Variants in AGMO observed in about 807,000 individuals in gnomAD.
The protein encoded by AGMO is glyceryl-ether monooxygenase.
AGMO carries 75 observed loss-of-function variants against 60.2 expected under a neutral mutation model. That is an observed-to-expected ratio of 1.25 (90% CI 1.03 to 1.51). The LOEUF (loss-of-function observed/expected upper bound fraction) is 1.51, where lower values mean the gene tolerates loss of function less well. Among genes scored for constraint, AGMO ranks in the 40% most tolerant of loss-of-function variants. AGMO has a pLI of 0.00. For synonymous variants in AGMO, 261 were observed against 177.1 expected, an observed-to-expected ratio of 1.47 and a Z score of -3.76; for missense variants, 763 against 525.5, an observed-to-expected ratio of 1.45 and a Z score of -4.42.
intron 12 of AGMO, among the ~76,000 whole-genome samples, chr7:15,364,726 T>C (rs990229198): frequency 6.6e-6 from 1 of 152,076 alleles, no homozygotes; most frequent in Non-Finnish European, 1.5e-5. Context: ...TTTCAATTCA[T>C]AATCAATATT....
intron 12 of AGMO, among the ~76,000 whole-genome samples, chr7:15,354,522 A>G (rs1350067595): frequency 1.1e-4 from 12 of 108,078 alleles, no homozygotes; most frequent in Non-Finnish European, 1.4e-4. Context: ...ATATATATAT[A>G]TATATATATA....
chr7:15,422,579 C>G (rs181526788), intron 4 of AGMO, among the ~76,000 whole-genome samples: 447 of 152,200 alleles, frequency 2.9e-3, no homozygotes, highest in African/African-American at 9.7e-3. Context: ...CCTCACATTT[C>G]TCTTTGAAGT....
intron 3 of AGMO, among the ~76,000 whole-genome samples, chr7:15,544,302 C>T (rs1583669647): frequency 6.6e-6 from 1 of 151,980 alleles, no homozygotes; most frequent in Admixed American, 6.6e-5. Context: ...ACCACAGTCT[C>T]GGAAATCAAA....
At position 15,301,985 on chromosome 7, in the gene AGMO, C is replaced by G. The variant is rs564883461; in HGVS notation, c.1263+63529G>C. ...ATCAGAGGAGAATAAGTAAAGAGAG[C>G]TCCTCAACTTTTTCTTAATGTTTTA... On this transcript the variant is annotated intron_variant, in intron 12 of 12. Transcript: ENST00000342526. 9.9e-5 allele frequency among the ~76,000 whole-genome samples: 15 copies of G among 152,212 alleles called. No homozygotes were observed. In the East Asian group the frequency reaches 2.5e-3, roughly 25 times the overall value.
chr7:15,287,566 T>A (rs569042514), intron 12 of AGMO, among the ~76,000 whole-genome samples: 1 of 152,190 alleles, frequency 6.6e-6, no homozygotes, highest in Non-Finnish European at 1.5e-5. Flanking sequence ...TTCAGTCAAT[T>A]TATGAAAATT....
At chr7:15,207,390 C>A (rs913606158) in intron 12 of AGMO, among the ~76,000 whole-genome samples, 2 of 151,962 alleles carry the variant, frequency 1.3e-5, no homozygotes, top group South Asian at 4.2e-4. Flanking sequence ...CCAATATTAC[C>A]AACCCTTGTT....
chr7:15,387,660 G>T, intron 8 of AGMO, 120 bp from the exon 9 acceptor site: 1 of 810,840 alleles, frequency 1.2e-6, no homozygotes, highest in Non-Finnish European at 1.9e-6. Context: ...CGTTATGCCT[G>T]ATTAGAGCAA....
intron 4 of AGMO, among the ~76,000 whole-genome samples, chr7:15,421,761 T>C (rs1222794551): frequency 6.6e-6 from 1 of 152,080 alleles, no homozygotes; most frequent in African/African-American, 2.4e-5. Context: ...TTTGGAAATG[T>C]CTGGCTGGAA....
intron 3 of AGMO, among the ~76,000 whole-genome samples, chr7:15,474,548 A>C (rs1361293441): frequency 6.6e-6 from 1 of 152,212 alleles, no homozygotes; most frequent in Non-Finnish European, 1.5e-5. Flanking sequence ...AAATTAACTC[A>C]AGATGGATTA....
Position 15,561,721 on chromosome 7 carries a change from T to C in AGMO, c.125A>G (p.Lys42Arg), listed in dbSNP as rs773346795. 6.2e-7 allele frequency: 1 copy of C among 1,602,882 alleles called. No homozygotes were observed. Among genetic ancestry groups the C allele is most frequent in the Admixed American group, 1.7e-5 (1 of 58,954 alleles). ...TAGCCTCTTCCAATAAAGTCTCACC[T>C]TTTTTACATAATCAGGCACCTCTTC... ...TLEEVPDYVK[K>R]ATPFFISLML... The change falls in exon 1 of 13, where the codon AAG (lysine) becomes AGG (arginine). Residue 42 changes from lysine (K) to arginine (R), a missense_variant and splice_region_variant. Lys to Arg is a conservative substitution (Grantham distance 26). Transcript: ENST00000342526.
intron 12 of AGMO, among the ~76,000 whole-genome samples, chr7:15,314,970 A>G (rs893096119): frequency 1.8e-4 from 28 of 152,144 alleles, no homozygotes; most frequent in African/African-American, 6.5e-4. Context: ...CCCCAATGTA[A>G]GGACCGAAGC....
At chr7:15,381,292 A>T (rs188875529) in intron 10 of AGMO, among the ~76,000 whole-genome samples, 1 of 152,166 alleles carries the variant, frequency 6.6e-6, no homozygotes, top group Non-Finnish European at 1.5e-5. Flanking sequence ...CAACAAAGGT[A>T]TAATATCAAG....
the AGMO span, among the ~76,000 whole-genome samples, chr7:15,152,719 A>C: frequency 6.6e-6 from 1 of 152,124 alleles, no homozygotes; most frequent in Non-Finnish European, 1.5e-5. Context: ...ATAAATATAC[A>C]ACATTTTCTT....
intron 12 of AGMO, among the ~76,000 whole-genome samples, chr7:15,220,994 G>C (rs992262141): frequency 9.9e-5 from 15 of 152,084 alleles, no homozygotes; most frequent in African/African-American, 3.6e-4. Flanking sequence ...AAGAAAGTTG[G>C]AAGACTAGGA....
chr7:15,354,819 A>C (rs990038226), intron 12 of AGMO, among the ~76,000 whole-genome samples: 3 of 151,240 alleles, frequency 2.0e-5, no homozygotes, highest in Non-Finnish European at 4.4e-5. Flanking sequence ...TTTTTCTCGT[A>C]ATTCACGAGA....
At chr7:15,372,829 G>A (rs1032368502) in intron 10 of AGMO, among the ~76,000 whole-genome samples, 1 of 152,164 alleles carries the variant, frequency 6.6e-6, no homozygotes, top group Non-Finnish European at 1.5e-5. Context: ...GTCCTAAAGT[G>A]CTAAATTGAA....
At chr7:15,365,736 G>C (rs1035636871) in intron 11 of AGMO, 117 bp from the exon 12 acceptor site, 16 of 705,808 alleles carry the variant, frequency 2.3e-5, no homozygotes, top group Non-Finnish European at 3.7e-5. Flanking sequence ...TAATATATTT[G>C]AAAAGCATGT....
At chr7:15,282,963 G>A (rs866606976) in intron 12 of AGMO, among the ~76,000 whole-genome samples, 1 of 152,116 alleles carries the variant, frequency 6.6e-6, no homozygotes, top group Non-Finnish European at 1.5e-5. Flanking sequence ...ATAACTGTCA[G>A]TTAAGAATTC....
chr7:15,129,574 G>A, the AGMO span, among the ~76,000 whole-genome samples: 1 of 152,052 alleles, frequency 6.6e-6, no homozygotes, highest in Non-Finnish European at 1.5e-5. Context: ...TTACTAAAGA[G>A]TCACTTAAAA....
Sources: gnomAD v4.1 joint callset for allele counts (sites outside exome capture counted in the v4.1 genomes callset) on GRCh38, gnomAD v4.1.1 for gene constraint, MANE v1.5 for transcripts, NCBI Gene and HGNC (gene_info 2026-07-23, HGNC 2026-07-21) for gene names.